The following AFG2A variants were observed in gnomAD, a reference collection of about 807,000 sequenced individuals.
AFG2A encodes the protein AAA ATPase AFG2A, also known as ATPase family gene 2 protein homolog A.
chr4:123,312,418 G>C, the AFG2A span, among the ~76,000 whole-genome samples: 1 of 152,206 alleles, frequency 6.6e-6, no homozygotes, highest in African/African-American at 2.4e-5. Flanking sequence ...CCAGATGAAA[G>C]AAGTGCTGCT....
the AFG2A span, among the ~76,000 whole-genome samples, chr4:122,967,928 G>T: frequency 2.0e-5 from 3 of 152,030 alleles, no homozygotes; most frequent in African/African-American, 7.2e-5. Flanking sequence ...AAACTTCATT[G>T]TATATGTACA....
At chr4:123,075,906 G>A in the AFG2A span, among the ~76,000 whole-genome samples, 3 of 150,466 alleles carry the variant, frequency 2.0e-5, no homozygotes, top group East Asian at 4.0e-4. Context: ...GCAGTGAGCC[G>A]AGATCATGCC....
At chr4:123,077,516 T>A in the AFG2A span, among the ~76,000 whole-genome samples, 717 of 152,296 alleles carry the variant, frequency 4.7e-3, 5 homozygotes, top group African/African-American at 0.016. Flanking sequence ...AACGAATGAC[T>A]TCATTATTCA....
chr4:123,143,957 A>AATG, the AFG2A span, among the ~76,000 whole-genome samples: 4 of 151,754 alleles, frequency 2.6e-5, no homozygotes, highest in Non-Finnish European at 5.9e-5. Flanking sequence ...AGGGCTATAT[A>AATG]ATGTTTTCAT....
the AFG2A span, among the ~76,000 whole-genome samples, chr4:123,228,872 A>G: frequency 6.6e-6 from 1 of 151,998 alleles, no homozygotes; most frequent in Non-Finnish European, 1.5e-5. Context: ...ATTGGAGGCT[A>G]TTTGTTGTGG....
chr4:123,277,297 T>C, the AFG2A span, among the ~76,000 whole-genome samples: 2 of 152,328 alleles, frequency 1.3e-5, no homozygotes, highest in East Asian at 3.9e-4. Context: ...TTTTGGTGTA[T>C]ATCAATGCTA....
At chr4:122,940,698 G>A in the AFG2A span, among the ~76,000 whole-genome samples, 1 of 152,066 alleles carries the variant, frequency 6.6e-6, no homozygotes, top group Non-Finnish European at 1.5e-5. Flanking sequence ...TAGACATGAA[G>A]TCCTTACCCA....
the AFG2A span, among the ~76,000 whole-genome samples, chr4:123,292,046 G>A: frequency 1.3e-5 from 2 of 152,030 alleles, no homozygotes; most frequent in Non-Finnish European, 2.9e-5. Context: ...ATATTTCTTG[G>A]AGACTTTGTT....
chr4:123,107,550 T>A, the AFG2A span, among the ~76,000 whole-genome samples: 2 of 152,160 alleles, frequency 1.3e-5, no homozygotes, highest in African/African-American at 2.4e-5. Context: ...GGCCGAGGTC[T>A]CCACATGGAA....
the AFG2A span, among the ~76,000 whole-genome samples, chr4:123,014,953 G>C: frequency 6.6e-6 from 1 of 152,054 alleles, no homozygotes; most frequent in African/African-American, 2.4e-5. Flanking sequence ...ACTCCCATCT[G>C]TGAAATTGTT....
At chr4:122,947,132 A>G in the AFG2A span, 31 of 1,165,656 alleles carry the variant, frequency 2.7e-5, no homozygotes, top group South Asian at 5.7e-4. Context: ...TAGCCTGGAC[A>G]GTTAGATGTT....
chr4:123,063,343 T>C, the AFG2A span, among the ~76,000 whole-genome samples: 1 of 152,186 alleles, frequency 6.6e-6, no homozygotes, highest in Non-Finnish European at 1.5e-5. Context: ...CTATGTAATA[T>C]TAGGCTGTAA....
the AFG2A span, chr4:122,934,388 A>G: frequency 1.9e-6 from 3 of 1,614,214 alleles, no homozygotes; most frequent in African/African-American, 4.0e-5. Flanking sequence ...AAAGCCAGTG[A>G]TGTTTTGCTG....
chr4:123,185,456 C>T, the AFG2A span, among the ~76,000 whole-genome samples: 46 of 152,108 alleles, frequency 3.0e-4, no homozygotes, highest in Middle Eastern at 3.4e-3. Context: ...GTATGAATGT[C>T]TACATTTTAA....
At chr4:123,036,864 A>G in the AFG2A span, among the ~76,000 whole-genome samples, 1 of 152,094 alleles carries the variant, frequency 6.6e-6, no homozygotes, top group Non-Finnish European at 1.5e-5. Context: ...TTGCCTAGTA[A>G]TTAAAACCTA....
At chr4:123,178,070 A>G in the AFG2A span, among the ~76,000 whole-genome samples, 1 of 152,242 alleles carries the variant, frequency 6.6e-6, no homozygotes, top group East Asian at 1.9e-4. Context: ...CATTAATAAT[A>G]CAGGAGGAAA....
At chr4:122,947,148 C>T in the AFG2A span, 2 of 1,342,932 alleles carry the variant, frequency 1.5e-6, no homozygotes, top group South Asian at 1.7e-5. Context: ...ATGTTTCATC[C>T]TTGTCTATAC....
the AFG2A span, among the ~76,000 whole-genome samples, chr4:123,303,607 A>G: frequency 1.1e-4 from 17 of 152,196 alleles, no homozygotes; most frequent in Admixed American, 2.6e-4. Flanking sequence ...TCTATAAAAC[A>G]TAAAAAAGCC....
chr4:122,955,884 G>GCC, the AFG2A span, among the ~76,000 whole-genome samples: 1 of 152,178 alleles, frequency 6.6e-6, no homozygotes, highest in Non-Finnish European at 1.5e-5. Context: ...GCGTCACAGG[G>GCC]ATTAGTGGGC....
Sources: allele counts gnomAD v4.1 joint callset (sites outside exome capture counted in the v4.1 genomes callset), GRCh38; gene constraint gnomAD v4.1.1; transcripts MANE v1.5; gene names NCBI Gene and HGNC (gene_info 2026-07-23, HGNC 2026-07-21).